Variants in ABCA4 observed in about 807,000 individuals in gnomAD.
ABCA4 encodes the protein retinal-specific phospholipid-transporting ATPase ABCA4.
Under a neutral mutation model 263.7 loss-of-function variants are expected in ABCA4, and 196 were observed. The observed-to-expected ratio is 0.74, with a 90% CI of 0.66 to 0.84. The LOEUF (loss-of-function observed/expected upper bound fraction) is 0.84, where lower values mean the gene tolerates loss of function less well. Among genes scored for constraint, ABCA4 ranks in the 40% least tolerant of loss-of-function variants. The pLI, the probability that ABCA4 is intolerant of heterozygous loss-of-function variation, is 0.00. For synonymous variants in ABCA4, 1,133 were observed against 1,094.2 expected, an observed-to-expected ratio of 1.04 and a Z score of -0.70; for missense variants, 2,792 against 2,855.1, an observed-to-expected ratio of 0.98 and a Z score of 0.50.
intron 16 of ABCA4, 142 bp downstream of exon 16, chr1:94,054,969 G>A (rs574410143): frequency 6.5e-4 from 580 of 886,122 alleles, no homozygotes; most frequent in Non-Finnish European, 9.8e-4. Flanking sequence ...ATTTGCTGGT[G>A]GATTTTTAAC....
intron 4 of ABCA4, among the ~76,000 whole-genome samples, chr1:94,107,627 G>A (rs184428892): frequency 9.9e-5 from 15 of 152,220 alleles, no homozygotes; most frequent in African/African-American, 3.6e-4. Flanking sequence ...TCCCACCCTG[G>A]TGCCCAGCTC....
At chr1:94,054,731 G>A (rs1570385517) in intron 16 of ABCA4, among the ~76,000 whole-genome samples, 1 of 152,306 alleles carries the variant, frequency 6.6e-6, no homozygotes, top group South Asian at 2.1e-4. Context: ...GGCCAGGGTT[G>A]AGACACTGGG....
At chr1:94,069,260 A>C (rs1014236347) in intron 11 of ABCA4, among the ~76,000 whole-genome samples, 2 of 152,240 alleles carry the variant, frequency 1.3e-5, no homozygotes, top group African/African-American at 4.8e-5. Flanking sequence ...AAACACATTC[A>C]GTAACAGATA....
At position 94,029,524 on chromosome 1, in the gene ABCA4, G is replaced by A; in HGVS notation, c.4460C>T (p.Ser1487Phe). The change falls in exon 30 of 50, where the codon TCC (serine) becomes TTC (phenylalanine). Residue 1487 changes from serine (S) to phenylalanine (F), a missense_variant. Transcript: ENST00000370225. ...QKWTQVNPSP[S>F]CRCSTREKLT... ...CTTCTCCCTGGTGCTGCACCTGCAG[G>A]ATGGTGAAGGGTTGACCTGTGTCCA... The A allele has an allele frequency of 6.2e-7, 1 of 1,610,194 alleles. No individual in the cohort carries two copies. Among genetic ancestry groups the A allele is most frequent in the Non-Finnish European group, 8.5e-7 (1 of 1,178,078 alleles).
At position 94,048,942 on chromosome 1, in the gene ABCA4, T is replaced by C; in HGVS notation, c.2669A>G (p.Glu890Gly). 1.2e-6 allele frequency: 2 copies of C among 1,614,082 alleles called. No individual in the cohort carries two copies. Among genetic ancestry groups the C allele is most frequent in the Non-Finnish European group, 1.7e-6 (2 of 1,180,024 alleles). The change falls in exon 18 of 50, where the codon GAA (glutamate) becomes GGA (glycine). Residue 890 changes from glutamate (E) to glycine (G), a missense_variant. Coordinates refer to ENST00000370225, the MANE Select transcript of ABCA4 (RefSeq NM_000350.3). ...CTCGGTCTTTTCCAGGGCTCTTTCT[T>C]CTCTGGTTGAACACCCTGCACCAAT... ...WLGGEGCSTR[E>G]ERALEKTEPL... is the part of the protein sequence containing the mutation.
rs143689372 is a variant in ABCA4, at chr1:94,042,784, T to A, written c.3305A>T (p.Asp1102Val). 5.6e-6 allele frequency: 9 copies of A among 1,614,056 alleles called. No individual in the cohort carries two copies. The highest frequency in any genetic ancestry group is 6.8e-6 in the Non-Finnish European group (8 of 1,180,038). ...ACCTGAGCGATACTTCAGGAGCAGA[T>A]CCCAGATTGAGCGTCTCGAGTAAGG... is the stretch of plus-strand genomic sequence containing the variant. ...VDPYSRRSIWDLLLKYRSGRT... is the reference protein window; with the variant it reads ...VDPYSRRSIWVLLLKYRSGRT... Residue 1102 changes from aspartate to valine, a missense_variant, in exon 22 of 50, where the codon GAT (aspartate) becomes GTT (valine). Coordinates refer to ENST00000370225, the MANE Select transcript of ABCA4 (RefSeq NM_000350.3).
At chr1:94,086,442 T>C (rs919338502) in intron 6 of ABCA4, among the ~76,000 whole-genome samples, 1 of 152,172 alleles carries the variant, frequency 6.6e-6, no homozygotes, top group Admixed American at 6.5e-5. Flanking sequence ...AATAAAGAAG[T>C]GGTAAATTAA....
Position 94,044,760 on chromosome 1 carries a change from G to A in ABCA4, c.2919-16C>T, listed in dbSNP as rs202012712. 1.8e-4 allele frequency: 296 copies of A among 1,614,208 alleles called. No individual in the cohort carries two copies. The highest frequency in any genetic ancestry group is 1.0e-3 in the African/African-American group (77 of 75,062). ...CAGGATGGACCTGCAGAACACAGGCGTCAGTGGCAGAAGAGATGGCCTTTA... is the reference window on the plus strand; with the variant it reads ...CAGGATGGACCTGCAGAACACAGGCATCAGTGGCAGAAGAGATGGCCTTTA... On this transcript the variant is annotated splice_polypyrimidine_tract_variant and intron_variant, in intron 19 of 49. Coordinates refer to ENST00000370225, the MANE Select transcript of ABCA4 (RefSeq NM_000350.3).
intron 17 of ABCA4, among the ~76,000 whole-genome samples, chr1:94,051,192 C>T (rs542161741): frequency 6.6e-6 from 1 of 152,230 alleles, no homozygotes; most frequent in South Asian, 2.1e-4. Flanking sequence ...GAGTCTTCAT[C>T]TTGGGAGAAT....
chr1:94,013,328 T>C (rs1048160041), intron 38 of ABCA4, among the ~76,000 whole-genome samples: 1 of 149,538 alleles, frequency 6.7e-6, no homozygotes, highest in Non-Finnish European at 1.5e-5. Context: ...TAACAAGATC[T>C]GGAAAGAGTC....
At chr1:94,033,696 C>T (rs1319198348) in intron 26 of ABCA4, among the ~76,000 whole-genome samples, 1 of 152,136 alleles carries the variant, frequency 6.6e-6, no homozygotes, top group African/African-American at 2.4e-5. Context: ...TGGATCAGCT[C>T]AGTCATCCTT....
At chr1:94,064,181 C>T (rs944843099) in intron 11 of ABCA4, among the ~76,000 whole-genome samples, 1 of 152,188 alleles carries the variant, frequency 6.6e-6, no homozygotes, top group African/African-American at 2.4e-5. Context: ...TGAATGCATA[C>T]TGAGAATCTG....
intron 30 of ABCA4, among the ~76,000 whole-genome samples, chr1:94,028,379 A>AG (rs773990592): frequency 2.5e-4 from 38 of 152,234 alleles, no homozygotes; most frequent in Non-Finnish European, 5.0e-4. Flanking sequence ...CTCCCAGGAC[A>AG]GGGTGCTGCT....
chr1:94,104,978 T>C (rs1180753051), intron 4 of ABCA4, among the ~76,000 whole-genome samples: 1 of 151,638 alleles, frequency 6.6e-6, no homozygotes, highest in African/African-American at 2.4e-5. Flanking sequence ...TGCACACACA[T>C]GCACACACAC....
At chr1:94,106,789 G>A (rs960503731) in intron 4 of ABCA4, among the ~76,000 whole-genome samples, 1 of 152,108 alleles carries the variant, frequency 6.6e-6, no homozygotes, top group Admixed American at 6.5e-5. Context: ...TGGCCAGATG[G>A]GAGGAGGATC....
chr1:94,111,009 T>G (rs1662585775), intron 3 of ABCA4, among the ~76,000 whole-genome samples: 1 of 152,232 alleles, frequency 6.6e-6, no homozygotes, highest in African/African-American at 2.4e-5. Flanking sequence ...CAATGCTCCC[T>G]GACATTTTTC....
At chr1:94,052,579 T>C (rs2101064494) in intron 16 of ABCA4, among the ~76,000 whole-genome samples, 1 of 152,346 alleles carries the variant, frequency 6.6e-6, no homozygotes, top group South Asian at 2.1e-4. Context: ...AAAATAAAAC[T>C]TTTGAATTAT....
chr1:94,119,676 T>C (rs924017234), intron 1 of ABCA4, among the ~76,000 whole-genome samples: 1 of 152,144 alleles, frequency 6.6e-6, no homozygotes, highest in African/African-American at 2.4e-5. Flanking sequence ...GCCCTAGGGG[T>C]GGGAGCTGTG....
At chr1:94,117,091 C>A (rs1015086557) in intron 1 of ABCA4, among the ~76,000 whole-genome samples, 5 of 148,140 alleles carry the variant, frequency 3.4e-5, no homozygotes, top group Non-Finnish European at 7.4e-5. Context: ...TCTCTCTCTC[C>A]CTCTCACCTC....
Sources: allele counts gnomAD v4.1 joint callset (sites outside exome capture counted in the v4.1 genomes callset), GRCh38; gene constraint gnomAD v4.1.1; transcripts MANE v1.5; gene names NCBI Gene and HGNC (gene_info 2026-07-23, HGNC 2026-07-21).